The following PRTG variants were observed in gnomAD, a reference collection of about 807,000 sequenced individuals.
The protein encoded by PRTG is protogenin.
Under a neutral mutation model 122.5 loss-of-function variants are expected in PRTG, and 67 were observed. The ratio of observed to expected loss-of-function variants is 0.55; its 90% CI spans 0.45 to 0.67. The LOEUF is 0.67. Among genes scored for constraint, PRTG ranks in the 30% least tolerant of loss-of-function variants. The pLI, the probability that PRTG is intolerant of heterozygous loss-of-function variation, is 0.00. For missense variants in PRTG, 1,435 were observed against 1,415.4 expected (o/e 1.01, Z -0.22); for synonymous variants, 554 against 501.1 (o/e 1.11, Z -1.41).
intron 2 of PRTG, among the ~76,000 whole-genome samples, chr15:55,724,990 G>A (rs1175787818): frequency 2.0e-5 from 3 of 152,008 alleles, no homozygotes; most frequent in South Asian, 2.1e-4. Context: ...AAAGACCACT[G>A]GTAAATGTCA....
At position 55,656,026 on chromosome 15, in the gene PRTG, C is replaced by T. The variant is rs1275319137; in HGVS notation, c.2042-14818G>A. On this transcript the variant is annotated intron_variant, in intron 11 of 19. Coordinates refer to ENST00000389286, the MANE Select transcript of PRTG (RefSeq NM_173814.6). ...TTCCTTTTATTGAATCATGACACTT[C>T]ACATCACACCTAAATACTGTGACAT... The T allele has an allele frequency of 6.7e-5, 11 of 164,036 alleles. No individual in the cohort carries two copies. The South Asian group carries it at 1.6e-3, about 24-fold the overall frequency. The allele number at this position is 164,036 out of a possible 1,614,324, so 10.2% of individuals were successfully genotyped here. A position where few individuals can be genotyped will look rare whatever the true frequency, so the allele number is the denominator to read the frequency against.
chr15:55,650,439 G>C (rs757631614), intron 11 of PRTG, among the ~76,000 whole-genome samples: 6 of 152,074 alleles, frequency 3.9e-5, no homozygotes, highest in Non-Finnish European at 8.8e-5. Context: ...CTAGGCCAAG[G>C]GAAGAGTATA....
intron 11 of PRTG, among the ~76,000 whole-genome samples, chr15:55,664,944 G>A (rs935181693): frequency 1.3e-5 from 2 of 151,964 alleles, no homozygotes; most frequent in Admixed American, 1.3e-4. Context: ...CGAGGAGTTA[G>A]GTGACGTATC....
intron 11 of PRTG, among the ~76,000 whole-genome samples, chr15:55,651,298 C>T (rs1033418677): frequency 2.4e-4 from 37 of 151,874 alleles, no homozygotes; most frequent in Non-Finnish European, 7.4e-5. Context: ...ATTCAACCTA[C>T]GCAAATGTCC....
intron 11 of PRTG, among the ~76,000 whole-genome samples, chr15:55,658,596 G>A (rs1436534253): frequency 1.3e-5 from 2 of 152,178 alleles, no homozygotes; most frequent in East Asian, 1.9e-4. Flanking sequence ...GATTACAGGC[G>A]TGAGCCAACG....
At position 55,637,233 on chromosome 15, in the gene PRTG, T is replaced by A; in HGVS notation, c.2560A>T (p.Thr854Ser). The A allele has an allele frequency of 6.2e-7, 1 of 1,614,016 alleles. No homozygotes were observed. Among genetic ancestry groups the A allele is most frequent in the Non-Finnish European group, 8.5e-7 (1 of 1,179,968 alleles). The change falls in exon 15 of 20, where the codon ACT becomes TCT. Residue 854 changes from threonine (T) to serine (S), a missense_variant. By Grantham distance (58) the Thr-to-Ser change is moderately conservative. Coordinates refer to ENST00000389286, the MANE Select transcript of PRTG (RefSeq NM_173814.6). ...GCCTTCCTAGATGCATATAAGATAG[T>A]ATAGCGGGTCACAACTGTTTCTGGG... ...DGPETVVTRY[T>S]ILYASRKAWI...
chr15:55,721,103 G>A (rs1229699342), intron 2 of PRTG, among the ~76,000 whole-genome samples: 6 of 152,142 alleles, frequency 3.9e-5, no homozygotes, highest in Non-Finnish European at 2.9e-5. Context: ...CGAAATACTG[G>A]CATCATCCTG....
chr15:55,637,042 C>A (rs1410245766), intron 15 of PRTG, 128 bp downstream of exon 15: 1 of 818,482 alleles, frequency 1.2e-6, no homozygotes, highest in Non-Finnish European at 1.8e-6. Context: ...TTGAACAAAG[C>A]CAAAATCTTT....
In PRTG at chr15:55,677,972, T is replaced by C; in HGVS notation, c.1206A>G (p.Gly402=). 1.2e-6 allele frequency: 2 copies of C among 1,611,754 alleles called. No individual in the cohort carries two copies. Among genetic ancestry groups the C allele is most frequent in the Non-Finnish European group, 1.7e-6 (2 of 1,178,080 alleles). Residue 402 remains glycine, a synonymous_variant, in exon 8 of 20, where the codon GGA becomes GGG. Transcript: ENST00000389286. Reference sequence around the variant, plus strand: ...TCAGTCTGGCTCTAGATAAAATAGATCCTTGGCTATTCTCAGCCATGCACT... The same window carrying C: ...TCAGTCTGGCTCTAGATAAAATAGACCCTTGGCTATTCTCAGCCATGCACT... ...IYQCMAENSQ[G]SILSRARLTV...
Position 55,680,128 on chromosome 15 carries a change from C to G in PRTG, c.899G>C (p.Gly300Ala). ...MISDVRLQHAGVYVCRATTPG... is the reference protein window; with the variant it reads ...MISDVRLQHAAVYVCRATTPG... ...GGTAGTGGCCCGACAAACATATACTCCAGCATGTTGTAGCCTGACATCAGA... is the reference window on the plus strand; with the variant it reads ...GGTAGTGGCCCGACAAACATATACTGCAGCATGTTGTAGCCTGACATCAGA... Residue 300 changes from glycine (G) to alanine (A), a missense_variant, in exon 6 of 20, where the codon GGA becomes GCA. Transcript: ENST00000389286. The G allele has an allele frequency of 1.2e-6, 2 of 1,613,256 alleles. No homozygotes were observed. Among genetic ancestry groups the G allele is most frequent in the Non-Finnish European group, 1.7e-6 (2 of 1,179,312 alleles).
At chr15:55,638,964 TCA>T in intron 13 of PRTG, among the ~76,000 whole-genome samples, 1 of 149,122 alleles carries the variant, frequency 6.7e-6, no homozygotes, top group East Asian at 2.0e-4. Context: ...AATCATTCAT[TCA>T]TTCATTCATT....
At position 55,743,145 on chromosome 15, in the gene PRTG, G is replaced by A. The variant is rs1422150860; in HGVS notation, c.-214C>T. 6 of 1,244,152 alleles carry A rather than the reference G, an allele frequency of 4.8e-6. No individual in the cohort carries two copies. The African/African-American group carries it at 9.4e-5, about 20-fold the overall frequency. The allele number at this position is 1,244,152 out of a possible 1,614,324, so 77.1% of individuals were successfully genotyped here. ...CAAGGGGCCTGAGAGTCCGGCTGGG[G>A]GCGGAGTGAGGCGGCGGCTGCAGAG... On this transcript the variant is annotated 5_prime_UTR_variant, in exon 1 of 20. Transcript: ENST00000389286.
chr15:55,653,568 A>G (rs1057156226), intron 11 of PRTG, among the ~76,000 whole-genome samples: 31 of 151,086 alleles, frequency 2.1e-4, no homozygotes, highest in African/African-American at 6.6e-4. Flanking sequence ...AGTTCAAGTG[A>G]TTCTCCTGCC....
intron 11 of PRTG, among the ~76,000 whole-genome samples, chr15:55,661,661 T>TA (rs2059410283): frequency 3.3e-5 from 5 of 152,320 alleles, no homozygotes; most frequent in Non-Finnish European, 5.9e-5. Flanking sequence ...AAAAAGTTAC[T>TA]CTTCTCCACA....
rs2059126269 is a variant in PRTG, at chr15:55,612,737, T to TAC, written c.*7274_*7275insGT. The TAC allele has an allele frequency of 1.1e-4, 6 of 54,326 alleles. No homozygotes were observed. Among genetic ancestry groups the TAC allele is most frequent in the African/African-American group, 2.8e-4 (6 of 21,680 alleles). 3.4% of individuals were successfully genotyped at this position (54,326 alleles called of 1,614,324 possible). ...ATATATATATATATATATATATATA[T>TAC]ATATATATATATGACTTAAATTGGA... On this transcript the variant is annotated 3_prime_UTR_variant, in exon 20 of 20. Coordinates refer to ENST00000389286, the MANE Select transcript of PRTG (RefSeq NM_173814.6).
At position 55,617,109 on chromosome 15, in the gene PRTG, T is replaced by G. The variant is rs1156566913; in HGVS notation, c.*2903A>C. ...AAAATGAGTGAAAATCTTCACATTT[T>G]AATTACAATTTCATACTTAAGACTT... On this transcript the variant is annotated 3_prime_UTR_variant, in exon 20 of 20. Transcript: ENST00000389286. 6.6e-6 allele frequency: 1 copy of G among 152,128 alleles called. No homozygotes were observed. Among genetic ancestry groups the G allele is most frequent in the African/African-American group, 2.4e-5 (1 of 41,452 alleles). 9.4% of individuals were successfully genotyped at this position (152,128 alleles called of 1,614,324 possible). A position where few individuals can be genotyped will look rare whatever the true frequency, so the allele number is the denominator to read the frequency against.
At chr15:55,742,721 C>A (rs1595692514) in intron 1 of PRTG, 117 bp downstream of exon 1, 1 of 1,273,858 alleles carries the variant, frequency 7.9e-7, no homozygotes, top group East Asian at 2.7e-5. Context: ...GGGTCAGCGC[C>A]ACCACGGAGG....
chr15:55,633,699 A>G (rs922174569), intron 15 of PRTG, among the ~76,000 whole-genome samples: 2 of 152,184 alleles, frequency 1.3e-5, no homozygotes, highest in African/African-American at 4.8e-5. Flanking sequence ...ATGCCATGTT[A>G]TATTCCTTGC....
At position 55,639,744 on chromosome 15, in the gene PRTG, T is replaced by G; in HGVS notation, c.2222A>C (p.His741Pro). 6.2e-7 allele frequency: 1 copy of G among 1,614,174 alleles called. No homozygotes were observed. The highest frequency in any genetic ancestry group is 8.5e-7 in the Non-Finnish European group (1 of 1,180,016). The change falls in exon 13 of 20, where the codon CAC becomes CCC. Residue 741 changes from histidine to proline, a missense_variant. Physicochemically the swap from His to Pro is moderately conservative, Grantham distance 77. Transcript: ENST00000389286. ...KANTSSSIFL[H>P]WRRPAFTAAQ... ...AGCGGTGAATGCAGGCCTCCTCCAGTGCAGGAAGATGGAAGATGAGGTGTT... is the reference window on the plus strand; with the variant it reads ...AGCGGTGAATGCAGGCCTCCTCCAGGGCAGGAAGATGGAAGATGAGGTGTT...
Sources: allele counts gnomAD v4.1 joint callset (sites outside exome capture counted in the v4.1 genomes callset), GRCh38; gene constraint gnomAD v4.1.1; transcripts MANE v1.5; gene names NCBI Gene and HGNC (gene_info 2026-07-23, HGNC 2026-07-21).